The following INVS variants were observed in gnomAD, a reference collection of about 807,000 sequenced individuals.
INVS encodes inversion of embryo turning homolog.
INVS carries 86 observed loss-of-function variants against 108.8 expected under a neutral mutation model. That is an observed-to-expected ratio of 0.79 (90% CI 0.66 to 0.95). INVS has a LOEUF of 0.95. INVS is among the 40% of genes least tolerant of loss of function. The pLI, the probability that INVS is intolerant of heterozygous loss-of-function variation, is 0.00. For missense variants in INVS, 1,169 were observed against 1,297.4 expected (o/e 0.90, Z 1.52); for synonymous variants, 455 against 473.5 (o/e 0.96, Z 0.51).
chr9:100,300,620 C>G lies in INVS; in HGVS notation c.3144C>G (p.Asn1048Lys). Residue 1048 changes from asparagine to lysine, a missense_variant, in exon 17 of 17, where the codon AAC becomes AAG. By Grantham distance (94) the Asn-to-Lys change is moderately conservative. Around this residue, in one of 3 missense-constraint regions of INVS, gnomAD observed 533 missense variants for 536.0 expected, o/e 0.99. Coordinates refer to ENST00000262457, the MANE Select transcript of INVS (RefSeq NM_014425.5). Reference sequence around the variant, plus strand: ...TTGAGAACAGTGGAAGATCAAAGAACTTTTCTTATAACCTGCAATCAGCTA... The same window carrying G: ...TTGAGAACAGTGGAAGATCAAAGAAGTTTTCTTATAACCTGCAATCAGCTA... ...HLLENSGRSK[N>K]FSYNLQSATQ... The G allele has an allele frequency of 1.9e-6, 3 of 1,614,046 alleles. No individual in the cohort carries two copies. The highest frequency in any genetic ancestry group is 1.3e-5 in the African/African-American group (1 of 75,040).
chr9:100,111,815 A>G (rs1424873302), intron 2 of INVS, among the ~76,000 whole-genome samples: 3 of 152,204 alleles, frequency 2.0e-5, no homozygotes, highest in African/African-American at 4.8e-5. Flanking sequence ...GTGGATAGAT[A>G]AAGGCACAGA....
intron 3 of INVS, among the ~76,000 whole-genome samples, chr9:100,186,060 G>A (rs1830047165): frequency 1.3e-5 from 2 of 152,286 alleles, no homozygotes; most frequent in Non-Finnish European, 2.9e-5. Context: ...TAAATACCCA[G>A]TAGTAGAATT....
chr9:100,186,840 C>T (rs933055323), intron 3 of INVS, among the ~76,000 whole-genome samples: 1 of 151,954 alleles, frequency 6.6e-6, no homozygotes, highest in African/African-American at 2.4e-5. Flanking sequence ...TTATTTTTTT[C>T]ACTGAGCAGA....
At chr9:100,252,542 C>A in intron 9 of INVS, 104 bp downstream of exon 9, 1 of 1,092,942 alleles carries the variant, frequency 9.1e-7, no homozygotes, top group Non-Finnish European at 1.4e-6. Flanking sequence ...TGCACAAGTA[C>A]AAGGATGAAG....
chr9:100,100,861 AAT>A (rs1491446762), intron 1 of INVS, among the ~76,000 whole-genome samples: 14 of 7,010 alleles, frequency 2.0e-3, no homozygotes, highest in Admixed American at 0.01. Context: ...ATGTATATAT[AAT>A]ATATATATTA....
At chr9:100,171,222 T>A (rs1050785369) in intron 3 of INVS, among the ~76,000 whole-genome samples, 1 of 152,326 alleles carries the variant, frequency 6.6e-6, no homozygotes, top group African/African-American at 2.4e-5. Flanking sequence ...TTTTTTATCT[T>A]TCATAGAATA....
chr9:100,101,638 A>C (rs1286980028), intron 1 of INVS: 1 of 152,172 alleles, frequency 6.6e-6, no homozygotes, highest in African/African-American at 2.4e-5. Flanking sequence ...AATTTGAACC[A>C]ATAATCCTTG....
intron 14 of INVS, among the ~76,000 whole-genome samples, chr9:100,295,749 G>A (rs1251684969): frequency 1.3e-5 from 2 of 152,224 alleles, no homozygotes; most frequent in African/African-American, 4.8e-5. Context: ...TGGACAAGCT[G>A]AGCAGGAAAG....
At chr9:100,248,086 G>A (rs1448323045) in intron 8 of INVS, among the ~76,000 whole-genome samples, 6 of 152,064 alleles carry the variant, frequency 3.9e-5, no homozygotes, top group African/African-American at 1.4e-4. Context: ...CCAAAGTGCT[G>A]GGGTTACAGG....
chr9:100,100,749 CATATAAT>C (rs1564111580), intron 1 of INVS, among the ~76,000 whole-genome samples: 97 of 8,792 alleles, frequency 0.011, 8 homozygotes, highest in Admixed American at 0.019. Context: ...ATTATATGTA[CATATAAT>C]ATATATAATA....
At chr9:100,201,489 C>T (rs755955989) in intron 3 of INVS, among the ~76,000 whole-genome samples, 2 of 152,156 alleles carry the variant, frequency 1.3e-5, no homozygotes, top group Non-Finnish European at 2.9e-5. Flanking sequence ...AAGGAGAAAG[C>T]AAACCACTTA....
chr9:100,171,412 A>C (rs542939871), intron 3 of INVS, among the ~76,000 whole-genome samples: 3 of 152,300 alleles, frequency 2.0e-5, no homozygotes, highest in African/African-American at 7.2e-5. Flanking sequence ...GTTTGTGTAT[A>C]CTATGATGTT....
chr9:100,190,421 C>T (rs1830184383), intron 3 of INVS, among the ~76,000 whole-genome samples: 1 of 152,034 alleles, frequency 6.6e-6, no homozygotes, highest in African/African-American at 2.4e-5. Flanking sequence ...GACTGTTAAC[C>T]TACTTTGTTT....
chr9:100,220,540 C>T (rs988647727), intron 3 of INVS, among the ~76,000 whole-genome samples: 1 of 152,186 alleles, frequency 6.6e-6, no homozygotes, highest in Admixed American at 6.5e-5. Context: ...TTCTGCTTAC[C>T]TACCATCAGA....
chr9:100,259,948 T>C (rs1169822987), intron 10 of INVS, among the ~76,000 whole-genome samples: 1 of 151,904 alleles, frequency 6.6e-6, no homozygotes, highest in Non-Finnish European at 1.5e-5. Context: ...CTCTGCCCAT[T>C]GCAACTTCTG....
intron 1 of INVS, among the ~76,000 whole-genome samples, chr9:100,100,644 ATG>A (rs1344897443): frequency 2.0e-5 from 1 of 51,210 alleles, no homozygotes; most frequent in Non-Finnish European, 3.1e-5. Flanking sequence ...TATATTATAT[ATG>A]TATATATAAT....
intron 12 of INVS, among the ~76,000 whole-genome samples, chr9:100,279,842 C>T (rs1041175637): frequency 3.3e-5 from 5 of 152,018 alleles, no homozygotes; most frequent in Admixed American, 2.6e-4. Flanking sequence ...TTAATTTCTT[C>T]GTGTCAAAAG....
intron 3 of INVS, among the ~76,000 whole-genome samples, chr9:100,139,437 C>T (rs1828347844): frequency 6.6e-6 from 1 of 152,152 alleles, no homozygotes; most frequent in Non-Finnish European, 1.5e-5. Context: ...TATTTTCCCT[C>T]AAATATTTGT....
intron 3 of INVS, among the ~76,000 whole-genome samples, chr9:100,127,429 G>C (rs1030747999): frequency 3.3e-5 from 5 of 151,980 alleles, no homozygotes; most frequent in African/African-American, 1.2e-4. Context: ...TCTACATTTA[G>C]TTAAAGACTT....
Sources: gnomAD v4.1 joint callset for allele counts (sites outside exome capture counted in the v4.1 genomes callset) on GRCh38, gnomAD v4.1.1 for gene constraint, gnomAD v4.1.1 regional missense constraint, MANE v1.5 for transcripts, NCBI Gene and HGNC (gene_info 2026-07-23, HGNC 2026-07-21) for gene names.